The following PCDHGC3 variants were observed in gnomAD, a reference collection of about 807,000 sequenced individuals.
PCDHGC3 encodes the protein protocadherin gamma subfamily C, 3, also known as protocadherin gamma-C3.
Under a neutral mutation model 59.2 loss-of-function variants are expected in PCDHGC3, and 26 were observed. That is an observed-to-expected ratio of 0.44 (90% confidence interval 0.32 to 0.61). PCDHGC3 has a LOEUF of 0.61. Among genes scored for constraint, PCDHGC3 ranks in the 20% least tolerant of loss-of-function variants. PCDHGC3 has a pLI of 0.05. For synonymous variants in PCDHGC3, 487 were observed against 519.7 expected (o/e 0.94, Z 0.86); for missense variants, 1,080 against 1,221.8 (o/e 0.88, Z 1.73).
chr5:141,489,148 C>G lies in PCDHGC3; in HGVS notation c.2431-5659C>G. 1 of 895,318 alleles carries G rather than the reference C, an allele frequency of 1.1e-6. No individual in the cohort carries two copies. Among genetic ancestry groups the G allele is most frequent in the Non-Finnish European group, 1.7e-6 (1 of 589,254 alleles). The allele number at this position is 895,318 out of a possible 1,614,324, so 55.5% of individuals were successfully genotyped here. A position where few individuals can be genotyped will look rare whatever the true frequency, so the allele number is the denominator to read the frequency against. ...CAGTTTTTAAGAGGCTGGAAGGAGA[C>G]ATAAGAGACTTCAGCTGCTGCATTC... On this transcript the variant is annotated intron_variant, in intron 1 of 3. Transcript: ENST00000308177. This position sits in a 1 kb window ranked among gnomAD's most constrained non-coding sequence, Gnocchi z 4.5.
intron 2 of PCDHGC3, among the ~76,000 whole-genome samples, chr5:141,499,283 G>T (rs1460838051): frequency 6.6e-6 from 1 of 152,066 alleles, no homozygotes; most frequent in Non-Finnish European, 1.5e-5. Context: ...TTCTCTGATG[G>T]CTCCACACTA....
chr5:141,489,904 C>T lies in PCDHGC3; in HGVS notation c.2431-4903C>T, dbSNP rs750411680. On this transcript the variant is annotated intron_variant, in intron 1 of 3. Transcript: ENST00000308177. This position sits in a 1 kb window ranked among gnomAD's most constrained non-coding sequence, Gnocchi z 4.5. ...TGCTGTGGATGGGGGGACCCCAGCC[C>T]GCTCAGGGACCACCCTTATCTCTGT... 1.6e-5 allele frequency: 26 copies of T among 1,614,092 alleles called. No homozygotes were observed. The highest frequency in any genetic ancestry group is 3.3e-5 in the Admixed American group (2 of 60,014).
intron 1 of PCDHGC3, among the ~76,000 whole-genome samples, chr5:141,479,914 G>T (rs2099509746): frequency 6.6e-6 from 1 of 152,148 alleles, no homozygotes; most frequent in South Asian, 2.1e-4. Context: ...CTGTTATTTT[G>T]TTACTCAGTG....
Position 141,485,208 on chromosome 5 carries a change from G to T in PCDHGC3, c.2430+6662G>T, listed in dbSNP as rs2099609377. On this transcript the variant is annotated intron_variant, in intron 1 of 3. Coordinates refer to ENST00000308177, the MANE Select transcript of PCDHGC3 (RefSeq NM_002588.4). This position sits in a 1 kb window ranked among gnomAD's most constrained non-coding sequence, Gnocchi z 5.7. ...AAGGTGAGAAGCTGGACAGAAATCT[G>T]GCGGTGGGCTACCCTTTTGTTCCTC... The T allele has an allele frequency of 6.2e-7, 1 of 1,613,998 alleles. No homozygotes were observed. The highest frequency in any genetic ancestry group is 1.3e-5 in the African/African-American group (1 of 74,930).
chr5:141,510,239 C>T (rs2099880022), intron 3 of PCDHGC3, among the ~76,000 whole-genome samples: 1 of 150,434 alleles, frequency 6.6e-6, no homozygotes, highest in Non-Finnish European at 1.5e-5. Flanking sequence ...CGCCACTGCA[C>T]TCCAGGCTGG....
In PCDHGC3 at chr5:141,485,178, T is replaced by A; in HGVS notation, c.2430+6632T>A. The stretch of plus-strand genomic sequence containing the variant: ...GAGAATTAGCGGGCGGCAGCAATGC[T>A]CCGCAAGGTGAGAAGCTGGACAGAA... On this transcript the variant is annotated intron_variant, in intron 1 of 3. Transcript: ENST00000308177. This position sits in a 1 kb window ranked among gnomAD's most constrained non-coding sequence, Gnocchi z 5.7. 1.2e-6 allele frequency: 2 copies of A among 1,612,400 alleles called. No homozygotes were observed. Among genetic ancestry groups the A allele is most frequent in the Non-Finnish European group, 1.7e-6 (2 of 1,178,628 alleles).
Position 141,490,798 on chromosome 5 carries a change from C to A in PCDHGC3, c.2431-4009C>A. 2 of 1,613,926 alleles carry A rather than the reference C, an allele frequency of 1.2e-6. No individual in the cohort carries two copies. Among genetic ancestry groups the A allele is most frequent in the South Asian group, 2.2e-5 (2 of 91,074 alleles). ...AGAGGATGGACGGATCTTTGCCCAG[C>A]GTACCTTTGACTATGAATTGCTGCA... On this transcript the variant is annotated intron_variant, in intron 1 of 3. Transcript: ENST00000308177. This position sits in a 1 kb window ranked among gnomAD's most constrained non-coding sequence, Gnocchi z 5.4.
Position 141,477,656 on chromosome 5 carries a change from C to T in PCDHGC3, c.1540C>T (p.Arg514Cys), listed in dbSNP as rs755621234. The T allele has an allele frequency of 1.9e-6, 3 of 1,614,184 alleles. No homozygotes were observed. The South Asian group carries it at 3.3e-5, about 18-fold the overall frequency. ...GLVGRYFTIN[R>C]DNGIVSSLVP... ...AGTGGGTCGCTATTTCACAATAAATCGTGACAATGGCATAGTGTCATCCTT... is the reference window on the plus strand; with the variant it reads ...AGTGGGTCGCTATTTCACAATAAATTGTGACAATGGCATAGTGTCATCCTT... The change falls in exon 1 of 4, where the codon CGT becomes TGT. Residue 514 changes from arginine to cysteine, a missense_variant. Physicochemically the swap from Arg to Cys is radical, Grantham distance 180. Transcript: ENST00000308177. The surrounding 1 kb of genome is among the most constrained non-coding windows in gnomAD (Gnocchi z 4.9).
Position 141,511,334 on chromosome 5 carries a change from C to A in PCDHGC3, c.*161C>A. 7.0e-7 allele frequency: 1 copy of A among 1,438,700 alleles called. No homozygotes were observed. Among genetic ancestry groups the A allele is most frequent in the Non-Finnish European group, 9.2e-7 (1 of 1,083,314 alleles). 89.1% of individuals were successfully genotyped at this position (1,438,700 alleles called of 1,614,324 possible). On this transcript the variant is annotated 3_prime_UTR_variant, in exon 4 of 4. Coordinates refer to ENST00000308177, the MANE Select transcript of PCDHGC3 (RefSeq NM_002588.4). ...GAAACAGAAACAAGTGCCCAGTCAG[C>A]ACCTACCCCTTCCCCCCCAGGGGGT...
In PCDHGC3 at chr5:141,487,107, T is replaced by C. The variant is rs1193091014; in HGVS notation, c.2431-7700T>C. 6.2e-7 allele frequency: 1 copy of C among 1,613,926 alleles called. No individual in the cohort carries two copies. The highest frequency in any genetic ancestry group is 8.5e-7 in the Non-Finnish European group (1 of 1,179,782). On this transcript the variant is annotated intron_variant, in intron 1 of 3. Transcript: ENST00000308177. This position sits in a 1 kb window ranked among gnomAD's most constrained non-coding sequence, Gnocchi z 5.0. ...GACCTCCCACCACAGAAGCTGGTCA[T>C]TGTGGTAAAGGATAGTGGTAGTCCA...
In PCDHGC3 at chr5:141,490,601, T is replaced by C. The variant is rs777393370; in HGVS notation, c.2431-4206T>C. 1 of 1,614,176 alleles carries C rather than the reference T, an allele frequency of 6.2e-7. No homozygotes were observed. The highest frequency in any genetic ancestry group is 8.5e-7 in the Non-Finnish European group (1 of 1,180,030). ...GATGTCAATGACAATGCACCCCGCTTCAACCAGCAGCTTTACACTGCTTAC... is the reference window on the plus strand; with the variant it reads ...GATGTCAATGACAATGCACCCCGCTCCAACCAGCAGCTTTACACTGCTTAC... On this transcript the variant is annotated intron_variant, in intron 1 of 3. Transcript: ENST00000308177. This position sits in a 1 kb window ranked among gnomAD's most constrained non-coding sequence, Gnocchi z 5.4.
chr5:141,489,254 C>T lies in PCDHGC3; in HGVS notation c.2431-5553C>T, dbSNP rs2099684538. 2 of 1,548,628 alleles carry T rather than the reference C, an allele frequency of 1.3e-6. No homozygotes were observed. Among genetic ancestry groups the T allele is most frequent in the African/African-American group, 1.4e-5 (1 of 73,008 alleles). ...GACTTCTGGGTCATGGGGCCCAAGA[C>T]ACTCCCACAGCTCGCTGGGAAATGG... is the stretch of plus-strand genomic sequence containing the variant. On this transcript the variant is annotated intron_variant, in intron 1 of 3. Transcript: ENST00000308177. This position sits in a 1 kb window ranked among gnomAD's most constrained non-coding sequence, Gnocchi z 4.5.
At chr5:141,506,898 T>C (rs2099857040) in intron 3 of PCDHGC3, among the ~76,000 whole-genome samples, 1 of 152,260 alleles carries the variant, frequency 6.6e-6, no homozygotes, top group East Asian at 1.9e-4. Context: ...AGAAGCACTG[T>C]CATCACACCT....
chr5:141,489,069 C>G lies in PCDHGC3; in HGVS notation c.2431-5738C>G. ...TCAAATTCAGCTCCCCTCCCCCCTGCCCACCCCCGCCACTCGGTGACTAAG... is the reference window on the plus strand; with the variant it reads ...TCAAATTCAGCTCCCCTCCCCCCTGGCCACCCCCGCCACTCGGTGACTAAG... On this transcript the variant is annotated intron_variant, in intron 1 of 3. Coordinates refer to ENST00000308177, the MANE Select transcript of PCDHGC3 (RefSeq NM_002588.4). The surrounding 1 kb of genome is among the most constrained non-coding windows in gnomAD (Gnocchi z 4.5). 6.4e-5 allele frequency: 18 copies of G among 281,056 alleles called. No homozygotes were observed. Among genetic ancestry groups the G allele is most frequent in the Middle Eastern group, 1.1e-3 (1 of 944 alleles). 17.4% of individuals were successfully genotyped at this position (281,056 alleles called of 1,614,324 possible).
At chr5:141,478,567 C>A in intron 1 of PCDHGC3, 21 bp downstream of exon 1, 1 of 1,593,812 alleles carries the variant, frequency 6.3e-7, no homozygotes, top group Non-Finnish European at 8.6e-7. Flanking sequence ...GCAAGTCATG[C>A]TTGACCCTGT....
At chr5:141,509,077 C>A (rs1371396735) in intron 3 of PCDHGC3, among the ~76,000 whole-genome samples, 3 of 152,242 alleles carry the variant, frequency 2.0e-5, no homozygotes, top group Admixed American at 2.0e-4. Flanking sequence ...CGGGGATTTG[C>A]GACATGAAAT....
Position 141,491,636 on chromosome 5 carries a change from C to T in PCDHGC3, c.2431-3171C>T. ...AGACCCCTCAGCGTTCAGCAGCCCA[C>T]AGCTCTGGCGCTGGAGCCTGACGCC... On this transcript the variant is annotated intron_variant, in intron 1 of 3. Coordinates refer to ENST00000308177, the MANE Select transcript of PCDHGC3 (RefSeq NM_002588.4). This position sits in a 1 kb window ranked among gnomAD's most constrained non-coding sequence, Gnocchi z 6.9. 6.2e-7 allele frequency: 1 copy of T among 1,613,922 alleles called. No homozygotes were observed. Among genetic ancestry groups the T allele is most frequent in the Non-Finnish European group, 8.5e-7 (1 of 1,180,020 alleles).
intron 3 of PCDHGC3, among the ~76,000 whole-genome samples, chr5:141,510,504 G>A (rs371169260): frequency 1.3e-5 from 2 of 152,154 alleles, no homozygotes; most frequent in African/African-American, 4.8e-5. Flanking sequence ...AAGGAACTGA[G>A]AGCCCGTGTC....
chr5:141,486,730 T>G lies in PCDHGC3; in HGVS notation c.2431-8077T>G, dbSNP rs775081505. On this transcript the variant is annotated intron_variant, in intron 1 of 3. Coordinates refer to ENST00000308177, the MANE Select transcript of PCDHGC3 (RefSeq NM_002588.4). This position sits in a 1 kb window ranked among gnomAD's most constrained non-coding sequence, Gnocchi z 5.0. ...ACCCCCAGACAGGAGCTGTTCATGC[T>G]ACTCGATCCTTTGACTATGAGCAAA... is the stretch of plus-strand genomic sequence containing the variant. 6.2e-7 allele frequency: 1 copy of G among 1,614,238 alleles called. No individual in the cohort carries two copies. The highest frequency in any genetic ancestry group is 8.5e-7 in the Non-Finnish European group (1 of 1,180,042).
Sources: allele counts gnomAD v4.1 joint callset (sites outside exome capture counted in the v4.1 genomes callset), GRCh38; gene constraint gnomAD v4.1.1; non-coding constraint Gnocchi (gnomAD v3.1); transcripts MANE v1.5; gene names NCBI Gene and HGNC (gene_info 2026-07-23, HGNC 2026-07-21).